Variants in TBCD observed in about 807,000 individuals in gnomAD.
TBCD encodes the protein tubulin-specific chaperone D.
TBCD carries 105 observed loss-of-function variants against 169.3 expected under a neutral mutation model. The ratio of observed to expected loss-of-function variants is 0.62; its 90% CI spans 0.53 to 0.73. The LOEUF is 0.73. Among genes scored for constraint, TBCD ranks in the 30% least tolerant of loss-of-function variants. The pLI is 0.00. For synonymous variants in TBCD, 700 were observed against 643.9 expected (o/e 1.09, Z -1.32); for missense variants, 1,444 against 1,600.1 (o/e 0.90, Z 1.66).
intron 13 of TBCD, among the ~76,000 whole-genome samples, chr17:82,853,037 G>A (rs907327902): frequency 5.3e-5 from 8 of 152,138 alleles, no homozygotes; most frequent in African/African-American, 1.2e-4. Flanking sequence ...CTTTATGCCC[G>A]ATGTGAATGT....
At chr17:82,850,937 C>A (rs112173700) in intron 13 of TBCD, among the ~76,000 whole-genome samples, 1 of 152,232 alleles carries the variant, frequency 6.6e-6, no homozygotes, top group Non-Finnish European at 1.5e-5. Flanking sequence ...ATGTATAAAA[C>A]GCACATTACA....
chr17:82,905,172 C>A (rs1338461834), intron 19 of TBCD, among the ~76,000 whole-genome samples: 1 of 152,228 alleles, frequency 6.6e-6, no homozygotes, highest in East Asian at 1.9e-4. Flanking sequence ...CTGCCTCTGT[C>A]CTGCTCCGCC....
At chr17:82,911,655 T>G (rs1466216745) in intron 22 of TBCD, 103 bp from the exon 23 acceptor site, 21 of 1,191,548 alleles carry the variant, frequency 1.8e-5, no homozygotes, top group Non-Finnish European at 1.2e-6. Flanking sequence ...CTAGTTCTCA[T>G]TTTAATGCTT....
chr17:82,797,896 G>A (rs2050213105), intron 8 of TBCD, 94 bp downstream of exon 8: 1 of 902,496 alleles, frequency 1.1e-6, no homozygotes, highest in African/African-American at 1.7e-5. Flanking sequence ...CATAGATATA[G>A]GAACTGTACA....
intron 13 of TBCD, among the ~76,000 whole-genome samples, chr17:82,836,905 C>T (rs556079801): frequency 2.6e-5 from 4 of 152,150 alleles, no homozygotes; most frequent in East Asian, 1.9e-4. Flanking sequence ...AGTTAGTTCA[C>T]GTAAGCGGGT....
Position 82,945,366 on chromosome 17 carries a change from C to T in TBCD, c.*2903C>T, listed in dbSNP as rs1207292453. On this transcript the variant is annotated 3_prime_UTR_variant, in exon 39 of 39. Transcript: ENST00000355528. Reference sequence around the variant, plus strand: ...ATATTCCATACTGACATGCAACAGTCCCCAGATACAGAAGCCTAACAGTCT... The same window carrying T: ...ATATTCCATACTGACATGCAACAGTTCCCAGATACAGAAGCCTAACAGTCT... 6.6e-6 allele frequency: 1 copy of T among 152,144 alleles called. No individual in the cohort carries two copies. The highest frequency in any genetic ancestry group is 1.5e-5 in the Non-Finnish European group (1 of 68,022). 9.4% of individuals were successfully genotyped at this position (152,144 alleles called of 1,614,324 possible).
Position 82,941,288 on chromosome 17 carries a change from T to G in TBCD, c.3480-111T>G, listed in dbSNP as rs1169737917. 3.5e-6 allele frequency: 3 copies of G among 856,684 alleles called. No individual in the cohort carries two copies. The East Asian group carries it at 8.5e-5, about 24-fold the overall frequency. 53.1% of individuals were successfully genotyped at this position (856,684 alleles called of 1,614,324 possible). A position where few individuals can be genotyped will look rare whatever the true frequency, so the allele number is the denominator to read the frequency against. On this transcript the variant is annotated intron_variant, in intron 37 of 38. Transcript: ENST00000355528. The stretch of plus-strand genomic sequence containing the variant: ...TCAGCCTGGCTATGGATGTCGGGGG[T>G]GAGGTCTCCTTTCCCTGACTGCGGC...
At chr17:82,866,444 C>T (rs949994868) in intron 13 of TBCD, among the ~76,000 whole-genome samples, 4 of 152,240 alleles carry the variant, frequency 2.6e-5, no homozygotes, top group Admixed American at 6.5e-5. Flanking sequence ...TAGGGACCTG[C>T]GAGGAGAAAC....
Position 82,903,073 on chromosome 17 carries a change from G to A in TBCD, c.1731-332G>A, listed in dbSNP as rs529937068. On this transcript the variant is annotated intron_variant, in intron 18 of 38. Coordinates refer to ENST00000355528, the MANE Select transcript of TBCD (RefSeq NM_005993.5). This position sits in a 1 kb window ranked among gnomAD's most constrained non-coding sequence, Gnocchi z 4.8. ...TCACCCCTTGTAATCGTGGAGGGGT[G>A]GTTTCACGTGGCTCTATCTCACACT... Among the ~76,000 whole-genome samples the A allele has an allele frequency of 6.6e-6, 1 of 152,286 alleles. No homozygotes were observed. Among genetic ancestry groups the A allele is most frequent in the South Asian group, 2.1e-4 (1 of 4,830 alleles).
intron 14 of TBCD, among the ~76,000 whole-genome samples, chr17:82,872,583 C>T (rs1276488245): frequency 6.6e-6 from 1 of 152,280 alleles, no homozygotes; most frequent in African/African-American, 2.4e-5. Context: ...CTTCCTGTTA[C>T]TTCCTTGTGC....
chr17:82,796,557 TACAGACAGAGGA>T (rs2050120632), intron 7 of TBCD, among the ~76,000 whole-genome samples: 1 of 152,322 alleles, frequency 6.6e-6, no homozygotes, highest in South Asian at 2.1e-4. Context: ...TGCCCCATTT[TACAGACAGAGGA>T]ACAGGAGCGC....
rs573310153 is a variant in TBCD, at chr17:82,943,708, G to C, written c.*1245G>C. On this transcript the variant is annotated 3_prime_UTR_variant, in exon 39 of 39. Coordinates refer to ENST00000355528, the MANE Select transcript of TBCD (RefSeq NM_005993.5). Reference sequence around the variant, plus strand: ...TGTGTGTGACGACCTGGCCACACAGGAGTGTGGGGTTAACACACTACTGTT... The same window carrying C: ...TGTGTGTGACGACCTGGCCACACAGCAGTGTGGGGTTAACACACTACTGTT... The C allele has an allele frequency of 2.6e-5, 4 of 152,372 alleles. No individual in the cohort carries two copies. In the East Asian group the frequency reaches 7.7e-4, roughly 29 times the overall value. The allele number at this position is 152,372 out of a possible 1,614,324, so 9.4% of individuals were successfully genotyped here.
chr17:82,787,510 T>G (rs1174023292), intron 7 of TBCD, among the ~76,000 whole-genome samples: 1 of 152,220 alleles, frequency 6.6e-6, no homozygotes, highest in African/African-American at 2.4e-5. Flanking sequence ...CCAGGTTGCC[T>G]CAGCAGGAGG....
intron 7 of TBCD, among the ~76,000 whole-genome samples, chr17:82,794,957 G>A (rs1165439444): frequency 2.6e-5 from 4 of 152,242 alleles, no homozygotes; most frequent in Non-Finnish European, 5.9e-5. Flanking sequence ...AGATGGTGGC[G>A]GGCCCTGGCC....
chr17:82,935,144 TTC>T (rs930582737), intron 34 of TBCD, among the ~76,000 whole-genome samples: 9 of 152,320 alleles, frequency 5.9e-5, no homozygotes, highest in African/African-American at 1.9e-4. Context: ...AGCTTTGTAT[TTC>T]TCTCTACAGT....
At chr17:82,924,869 C>A in intron 26 of TBCD, 70 bp from the exon 27 acceptor site, 2 of 1,274,096 alleles carry the variant, frequency 1.6e-6, no homozygotes, top group Non-Finnish European at 2.2e-6. Context: ...CTGTTTGGGG[C>A]ACACGTCGGG....
rs76924200 is a variant in TBCD, at chr17:82,846,998, C to T, written c.1319-23226C>T. ...AGGTCTGGGCCCAACCTGCTCTGGG[C>T]GCTGTGGGCACCGCTCAGCCATTTT... On this transcript the variant is annotated intron_variant, in intron 13 of 38. Transcript: ENST00000355528. 8.3e-3 allele frequency among the ~76,000 whole-genome samples: 1,266 copies of T among 152,278 alleles called. 15 individuals are homozygous for T. The highest frequency in any genetic ancestry group is 0.029 in the African/African-American group (1,206 of 41,562).
chr17:82,933,066 G>C (rs1293436964), intron 34 of TBCD, among the ~76,000 whole-genome samples: 1 of 152,076 alleles, frequency 6.6e-6, no homozygotes, highest in Admixed American at 6.5e-5. Flanking sequence ...AGGGCCTGAA[G>C]GGGCCTCGGC....
chr17:82,912,891 G>A (rs190550200), intron 23 of TBCD: 8 of 152,378 alleles, frequency 5.3e-5, no homozygotes, highest in South Asian at 2.1e-4. Context: ...TGGACGTCAC[G>A]GGAAAGTCAA....
Sources: allele counts gnomAD v4.1 joint callset (sites outside exome capture counted in the v4.1 genomes callset), GRCh38; gene constraint gnomAD v4.1.1; non-coding constraint Gnocchi (gnomAD v3.1); transcripts MANE v1.5; gene names NCBI Gene and HGNC (gene_info 2026-07-23, HGNC 2026-07-21).